The following PKHD1 variants were observed in gnomAD, a reference collection of about 807,000 sequenced individuals.
The protein encoded by PKHD1 is PKHD1 ciliary IPT domain containing fibrocystin/polyductin.
In PKHD1, 291 loss-of-function variants were observed where a neutral mutation model predicts 412.0. The ratio of observed to expected loss-of-function variants is 0.71; its 90% CI spans 0.64 to 0.78. PKHD1 has a LOEUF of 0.78. PKHD1 is among the 30% of genes least tolerant of loss of function. PKHD1 has a pLI of 0.00. For missense variants in PKHD1, 4,825 were observed against 4,950.7 expected (o/e 0.97, Z 0.76); for synonymous variants, 1,777 against 1,821.5 (o/e 0.98, Z 0.62).
At chr6:51,731,690 C>T (rs1447022465) in intron 60 of PKHD1, among the ~76,000 whole-genome samples, 1 of 152,126 alleles carries the variant, frequency 6.6e-6, no homozygotes, top group Non-Finnish European at 1.5e-5. Flanking sequence ...TAAATAGAGT[C>T]TACTACATGG....
intron 52 of PKHD1, among the ~76,000 whole-genome samples, chr6:51,797,475 G>C (rs2151301313): frequency 6.6e-6 from 1 of 152,256 alleles, no homozygotes; most frequent in East Asian, 1.9e-4. Context: ...TTATGAATCT[G>C]GGTGCTACAG....
intron 55 of PKHD1, among the ~76,000 whole-genome samples, chr6:51,771,392 C>T (rs1032916365): frequency 3.9e-5 from 6 of 152,134 alleles, no homozygotes; most frequent in Admixed American, 6.5e-5. Context: ...GAGGCCAAGA[C>T]GGGTGGATCA....
intron 57 of PKHD1, among the ~76,000 whole-genome samples, chr6:51,752,889 G>T (rs1786329372): frequency 6.6e-6 from 1 of 152,152 alleles, no homozygotes; most frequent in African/African-American, 2.4e-5. Context: ...CAGAAATTCA[G>T]GAAAGAGATA....
At chr6:51,923,048 A>G (rs2127719840) in intron 37 of PKHD1, among the ~76,000 whole-genome samples, 1 of 152,220 alleles carries the variant, frequency 6.6e-6, no homozygotes, top group African/African-American at 2.4e-5. Context: ...TATAGACTGG[A>G]GTTGTTCCTA....
chr6:51,721,094 A>G, intron 60 of PKHD1: 1 of 984,278 alleles, frequency 1.0e-6, no homozygotes, highest in Non-Finnish European at 1.2e-6. Context: ...ATCTGTAACT[A>G]TTTCCTCCAT....
chr6:52,037,871 G>A (rs909934917), intron 27 of PKHD1, among the ~76,000 whole-genome samples: 1 of 152,112 alleles, frequency 6.6e-6, no homozygotes, highest in Non-Finnish European at 1.5e-5. Flanking sequence ...TACAAAATGG[G>A]ACAACTCCAT....
intron 60 of PKHD1, among the ~76,000 whole-genome samples, chr6:51,672,527 A>T (rs901082239): frequency 6.6e-5 from 10 of 152,224 alleles, no homozygotes; most frequent in African/African-American, 2.4e-4. Flanking sequence ...AATCTTTATC[A>T]TCTTCACAGA....
At chr6:51,745,973 T>C (rs1785139607) in intron 59 of PKHD1, among the ~76,000 whole-genome samples, 1 of 151,736 alleles carries the variant, frequency 6.6e-6, no homozygotes, top group Non-Finnish European at 1.5e-5. Context: ...ATGTTCTAAT[T>C]AGGGTGGCTT....
At chr6:51,848,491 T>C (rs900625983) in intron 49 of PKHD1, among the ~76,000 whole-genome samples, 6 of 152,290 alleles carry the variant, frequency 3.9e-5, no homozygotes, top group East Asian at 1.9e-4. Flanking sequence ...CATTTTTACA[T>C]TGAGGAAACT....
chr6:51,699,920 A>AGTGTGTATGTGTGTGTGTGTGTGTGTGT lies in PKHD1; in HGVS notation c.10157-39952_10157-39951insACACACACACACACACACACATACACAC, dbSNP rs57760395. Reference sequence around the variant, plus strand: ...TTTGGCCTCTGGAATATATATATGGAGTGTGTGTGTGTGTGTGTGTGTGTG... The same window carrying AGTGTGTATGTGTGTGTGTGTGTGTGTGT: ...TTTGGCCTCTGGAATATATATATGGAGTGTGTATGTGTGTGTGTGTGTGTGTGTGTGTGTGTGTGTGTGTGTGTGTGTG... On this transcript the variant is annotated intron_variant, in intron 60 of 66. Coordinates refer to ENST00000371117, the MANE Select transcript of PKHD1 (RefSeq NM_138694.4). Among the ~76,000 whole-genome samples the AGTGTGTATGTGTGTGTGTGTGTGTGTGT allele has an allele frequency of 1.3e-3, 176 of 137,888 alleles. 5 individuals carry two copies. Among genetic ancestry groups the AGTGTGTATGTGTGTGTGTGTGTGTGTGT allele is most frequent in the South Asian group, 4.7e-3 (19 of 4,026 alleles). 90.5% of individuals were successfully genotyped at this position (137,888 alleles called of 152,430 possible). A position where few individuals can be genotyped will look rare whatever the true frequency, so the allele number is the denominator to read the frequency against.
chr6:52,070,453 A>T lies in PKHD1; in HGVS notation c.668-8T>A. The stretch of plus-strand genomic sequence containing the variant: ...AGCTAACATTCTGGGAGCCTGTAAC[A>T]CAAAGAAACACACATTAACTCAGGA... On this transcript the variant is annotated splice_polypyrimidine_tract_variant and splice_region_variant and intron_variant, in intron 9 of 66. Transcript: ENST00000371117. The T allele has an allele frequency of 1.2e-6, 2 of 1,606,254 alleles. No individual in the cohort carries two copies. The highest frequency in any genetic ancestry group is 1.7e-6 in the Non-Finnish European group (2 of 1,173,210).
intron 43 of PKHD1, among the ~76,000 whole-genome samples, chr6:51,898,149 C>G (rs1780463978): frequency 6.6e-6 from 1 of 152,118 alleles, no homozygotes; most frequent in South Asian, 2.1e-4. Context: ...GAATTCAGCT[C>G]TGCACCAAGC....
At chr6:51,998,349 A>G (rs1458759789) in intron 35 of PKHD1, among the ~76,000 whole-genome samples, 2 of 152,222 alleles carry the variant, frequency 1.3e-5, no homozygotes, top group African/African-American at 2.4e-5. Context: ...CTTGACCTCA[A>G]AATAAAGAAC....
chr6:52,080,685 T>A (rs971000629), intron 4 of PKHD1, among the ~76,000 whole-genome samples: 9 of 152,334 alleles, frequency 5.9e-5, no homozygotes, highest in African/African-American at 1.9e-4. Context: ...TAGTCTTATG[T>A]GCTTATCAAG....
intron 55 of PKHD1, among the ~76,000 whole-genome samples, chr6:51,765,256 G>A (rs1211809777): frequency 6.9e-6 from 1 of 145,506 alleles, no homozygotes; most frequent in Non-Finnish European, 1.5e-5. Context: ...CATGATTTCT[G>A]GCCTCAACTG....
chr6:52,051,719 C>T (rs1173623043), intron 21 of PKHD1, among the ~76,000 whole-genome samples: 1 of 152,182 alleles, frequency 6.6e-6, no homozygotes, highest in Non-Finnish European at 1.5e-5. Context: ...CTGAACAGCA[C>T]CTATTATCCA....
At chr6:51,859,752 A>T (rs1160014357) in intron 48 of PKHD1, among the ~76,000 whole-genome samples, 1 of 152,140 alleles carries the variant, frequency 6.6e-6, no homozygotes, top group Non-Finnish European at 1.5e-5. Context: ...TCAATTATTG[A>T]AGGAAGCATT....
chr6:51,870,573 T>C lies in PKHD1; in HGVS notation c.7417A>G (p.Thr2473Ala), dbSNP rs755869374. ...KRWELMVSNTTFVNFDLINCV... is the reference protein window; with the variant it reads ...KRWELMVSNTAFVNFDLINCV... ...TTGATGAGATCAAAATTAACAAAGG[T>C]TGTGTTAGACACCATCAGTTCCCAT... The change falls in exon 47 of 67, where the codon ACC becomes GCC. Residue 2473 changes from threonine (T) to alanine (A), a missense_variant. Thr to Ala is a moderately conservative substitution (Grantham distance 58). Transcript: ENST00000371117. 1.9e-6 allele frequency: 3 copies of C among 1,609,318 alleles called. No individual in the cohort carries two copies. The highest frequency in any genetic ancestry group is 4.5e-5 in the East Asian group (2 of 44,838).
At chr6:51,954,451 C>T (rs1270682) in intron 36 of PKHD1, among the ~76,000 whole-genome samples, 2,949 of 152,110 alleles carry the variant, frequency 0.019, 93 homozygotes, top group African/African-American at 0.066. Context: ...CATTTAACTG[C>T]TTTAGTATAA....
Sources: allele counts gnomAD v4.1 joint callset (sites outside exome capture counted in the v4.1 genomes callset), GRCh38; gene constraint gnomAD v4.1.1; transcripts MANE v1.5; gene names NCBI Gene and HGNC (gene_info 2026-07-23, HGNC 2026-07-21).